CDH8: variants seen among roughly 807,000 people sequenced by gnomAD.
The protein encoded by CDH8 is cadherin 8, also known as cadherin-8.
CDH8 carries 17 observed loss-of-function variants against 68.1 expected under a neutral mutation model. The ratio of observed to expected loss-of-function variants is 0.25; its 90% confidence interval spans 0.17 to 0.37. CDH8 has a LOEUF of 0.37. Among genes scored for constraint, CDH8 ranks in the 10% least tolerant of loss-of-function variants. CDH8 has a pLI of 1.00. For missense variants in CDH8, 763 were observed against 999.3 expected (o/e 0.76, Z 3.19); for synonymous variants, 372 against 365.1 (o/e 1.02, Z -0.21).
intron 2 of CDH8, among the ~76,000 whole-genome samples, chr16:61,933,582 T>C (rs760919806): frequency 3.9e-5 from 6 of 152,168 alleles, no homozygotes; most frequent in Non-Finnish European, 8.8e-5. Context: ...CGAGGAAGGA[T>C]AGAAATGTGG....
rs181929672 is a variant in CDH8 at position 61,649,980 on chromosome 16, A to G, written c.*3628T>C. The G allele has an allele frequency of 2.0e-5, 3 of 152,074 alleles. No homozygotes were observed. The highest frequency in any genetic ancestry group is 4.8e-5 in the African/African-American group (2 of 41,432). The allele number at this position is 152,074 out of a possible 1,614,324, so 9.4% of individuals were successfully genotyped here. A position where few individuals can be genotyped will look rare whatever the true frequency, so the allele number is the denominator to read the frequency against. On this transcript the variant is annotated 3_prime_UTR_variant, in exon 12 of 12. Transcript: ENST00000577390. ...GTATCTTTCTAAGCATTCTTGCTTC[A>G]CTGGTGATACCAGTAAATCTAAGTT...
At chr16:61,863,175 CT>C (rs546970176) in intron 3 of CDH8, among the ~76,000 whole-genome samples, 2 of 151,400 alleles carry the variant, frequency 1.3e-5, no homozygotes, top group Non-Finnish European at 2.9e-5. Flanking sequence ...CTTTTTTTTT[CT>C]TTTTTGCATT....
At chr16:62,012,406 C>T (rs1041583163) in intron 2 of CDH8, among the ~76,000 whole-genome samples, 2 of 152,098 alleles carry the variant, frequency 1.3e-5, no homozygotes, top group Non-Finnish European at 2.9e-5. Flanking sequence ...TCTCTCTTCA[C>T]GGTTTCATAA....
At chr16:61,733,144 T>A (rs1596911740) in intron 8 of CDH8, among the ~76,000 whole-genome samples, 1 of 151,912 alleles carries the variant, frequency 6.6e-6, no homozygotes, top group South Asian at 2.1e-4. Flanking sequence ...GGGAAGGCAA[T>A]AGAACTATAT....
chr16:62,020,504 AC>A (rs1567571566), intron 2 of CDH8, among the ~76,000 whole-genome samples: 3 of 109,138 alleles, frequency 2.7e-5, no homozygotes, highest in Non-Finnish European at 5.9e-5. Flanking sequence ...GCGCGCACAC[AC>A]ACACACACAC....
chr16:61,716,394 A>C (rs1222404041), intron 9 of CDH8, among the ~76,000 whole-genome samples: 2 of 151,624 alleles, frequency 1.3e-5, no homozygotes, highest in African/African-American at 4.8e-5. Flanking sequence ...TAAACATCAC[A>C]CCAAAATTTA....
intron 8 of CDH8, among the ~76,000 whole-genome samples, chr16:61,780,346 G>A (rs995525222): frequency 6.6e-5 from 10 of 152,194 alleles, no homozygotes; most frequent in Non-Finnish European, 7.3e-5. Flanking sequence ...AGGATAACAT[G>A]TTAGATCCAC....
intron 8 of CDH8, among the ~76,000 whole-genome samples, chr16:61,729,942 T>C (rs1959487582): frequency 6.6e-6 from 1 of 151,418 alleles, no homozygotes; most frequent in African/African-American, 2.4e-5. Context: ...GTCAACTATG[T>C]ATGATATTAT....
At chr16:62,000,476 T>G (rs1461011874) in intron 2 of CDH8, among the ~76,000 whole-genome samples, 2 of 152,230 alleles carry the variant, frequency 1.3e-5, no homozygotes, top group Non-Finnish European at 2.9e-5. Context: ...GCTGCATCTT[T>G]TCTGAGTAGA....
intron 10 of CDH8, among the ~76,000 whole-genome samples, chr16:61,662,087 G>GTTTTTTTTTTTTTTTTTTTTTATTTTT: frequency 4.3e-5 from 4 of 92,792 alleles, no homozygotes; most frequent in Non-Finnish European, 6.6e-5. Context: ...TTTTACTTTA[G>GTTTTTTTTTTTTTTTTTTTTTATTTTT]TTTTTTTTTT....
At chr16:61,955,027 G>A (rs114094739) in intron 2 of CDH8, among the ~76,000 whole-genome samples, 54 of 152,300 alleles carry the variant, frequency 3.5e-4, no homozygotes, top group African/African-American at 1.2e-3. Flanking sequence ...ATGAAACAGA[G>A]TCAGGGAAAT....
chr16:61,943,932 A>T (rs1429161379), intron 2 of CDH8, among the ~76,000 whole-genome samples: 5 of 152,248 alleles, frequency 3.3e-5, no homozygotes, highest in African/African-American at 1.2e-4. Context: ...AAGGGAATCA[A>T]TTTACCAAAG....
At chr16:61,710,498 A>G (rs1964611375) in intron 10 of CDH8, among the ~76,000 whole-genome samples, 1 of 152,054 alleles carries the variant, frequency 6.6e-6, no homozygotes, top group African/African-American at 2.4e-5. Context: ...ATTTCAGTCA[A>G]TGAGGAGACA....
rs756261599 is a variant in CDH8 at position 61,648,747 on chromosome 16, TACTC to T, written c.*4857_*4860del. The T allele has an allele frequency of 1.6e-4, 25 of 152,010 alleles. No individual in the cohort carries two copies. Among genetic ancestry groups the T allele is most frequent in the Non-Finnish European group, 3.2e-4 (22 of 67,926 alleles). The allele number at this position is 152,010 out of a possible 1,614,324, so 9.4% of individuals were successfully genotyped here. ...GTAGCTTAATTTCTGTACTGATAGA[TACTC>T]AATAAATGTGACAGACAAAATTCTT... is the stretch of plus-strand genomic sequence containing the variant. On this transcript the variant is annotated 3_prime_UTR_variant, in exon 12 of 12. Coordinates refer to ENST00000577390, the MANE Select transcript of CDH8 (RefSeq NM_001796.5).
chr16:61,959,523 CCT>C (rs10624937), intron 2 of CDH8, among the ~76,000 whole-genome samples: 7 of 133,514 alleles, frequency 5.2e-5, no homozygotes, highest in African/African-American at 1.1e-4. Flanking sequence ...CCTTATCCTC[CCT>C]CTCTCTCTCT....
At chr16:61,838,328 C>T (rs1020068800) in intron 4 of CDH8, among the ~76,000 whole-genome samples, 1 of 152,006 alleles carries the variant, frequency 6.6e-6, no homozygotes, top group Non-Finnish European at 1.5e-5. Context: ...TCTAGGAAAA[C>T]ATATTTGGCA....
At chr16:61,945,438 A>T (rs1178083668) in intron 2 of CDH8, among the ~76,000 whole-genome samples, 1 of 41,646 alleles carries the variant, frequency 2.4e-5, no homozygotes, top group East Asian at 6.7e-4. Flanking sequence ...ATGCATGATT[A>T]AAAAAAAAAA....
At chr16:61,756,948 T>C (rs1396800398) in intron 8 of CDH8, among the ~76,000 whole-genome samples, 1 of 152,122 alleles carries the variant, frequency 6.6e-6, no homozygotes, top group East Asian at 1.9e-4. Flanking sequence ...ACCCCTGCAG[T>C]TTAGTAATTT....
chr16:61,718,324 C>A (rs1253712108), intron 9 of CDH8, among the ~76,000 whole-genome samples: 1 of 151,252 alleles, frequency 6.6e-6, no homozygotes, highest in East Asian at 2.0e-4. Flanking sequence ...GGTGAGAAAA[C>A]CCTATTCTGT....
Sources: gnomAD v4.1 joint callset for allele counts (sites outside exome capture counted in the v4.1 genomes callset) on GRCh38, gnomAD v4.1.1 for gene constraint, MANE v1.5 for transcripts, NCBI Gene and HGNC (gene_info 2026-07-23, HGNC 2026-07-21) for gene names.